The following DNMT3A variants were observed in gnomAD, a reference collection of about 807,000 sequenced individuals.
The protein encoded by DNMT3A is DNA (cytosine-5)-methyltransferase 3A.
Under a neutral mutation model 117.6 loss-of-function variants are expected in DNMT3A, and 267 were observed. The observed-to-expected ratio is 2.27, with a 90% CI of 2.05 to 2.51. The LOEUF is 2.51. Ranked by LOEUF, DNMT3A falls within the 30% of genes most tolerant of loss-of-function variation. The probability of loss-of-function intolerance (pLI) is 0.00; values close to 1 mark genes in which losing one functional copy is unlikely to be tolerated. For synonymous variants in DNMT3A, 432 were observed against 474.8 expected, an observed-to-expected ratio of 0.91 and a Z score of 1.17; for missense variants, 1,029 against 1,260.2, an observed-to-expected ratio of 0.82 and a Z score of 2.78.
At position 25,296,690 on chromosome 2, in the gene DNMT3A, G is replaced by A. The variant is rs1381303571; in HGVS notation, c.177+3449C>T. On this transcript the variant is annotated intron_variant, in intron 3 of 22. Transcript: ENST00000321117. This position sits in a 1 kb window ranked among gnomAD's most constrained non-coding sequence, Gnocchi z 4.2. ...CACTGGCCTGGGCATGCAAGGGGCA[G>A]GTGGAGTCTGGTTTGGGTGAGGGCA... Among the ~76,000 whole-genome samples the A allele has an allele frequency of 6.6e-6, 1 of 152,238 alleles. No homozygotes were observed. Among genetic ancestry groups the A allele is most frequent in the Non-Finnish European group, 1.5e-5 (1 of 68,042 alleles).
At position 25,234,146 on chromosome 2, in the gene DNMT3A, T is replaced by C; in HGVS notation, c.*133A>G. 7.2e-7 allele frequency: 1 copy of C among 1,386,040 alleles called. No individual in the cohort carries two copies. Among genetic ancestry groups the C allele is most frequent in the Non-Finnish European group, 9.5e-7 (1 of 1,053,282 alleles). The allele number at this position is 1,386,040 out of a possible 1,614,324, so 85.9% of individuals were successfully genotyped here. ...GGTATTTCCGCCTCTGTGGTTTTTG[T>C]TTTAAATTCCTTTTTCTCTTCTGGG... On this transcript the variant is annotated 3_prime_UTR_variant, in exon 23 of 23. Transcript: ENST00000321117. This position sits in a 1 kb window ranked among gnomAD's most constrained non-coding sequence, Gnocchi z 4.5.
At chr2:25,246,516 C>T in intron 10 of DNMT3A, 104 bp downstream of exon 10, 1 of 1,509,810 alleles carries the variant, frequency 6.6e-7, no homozygotes, top group Non-Finnish European at 8.9e-7. Flanking sequence ...CACTGGGCCC[C>T]TCTGTGGAGG....
Position 25,243,897 on chromosome 2 carries a change from C to T in DNMT3A, c.1936+1G>A, listed in dbSNP as rs1238786275. The stretch of plus-strand genomic sequence containing the variant: ...GCACCTCTTGGGCCTGCACCCCTCA[C>T]CTGTAGCGATTCCATCAAAGAGAGA... On this transcript the variant is annotated splice_donor_variant, in intron 16 of 22. Transcript: ENST00000321117. LOFTEE classifies it high-confidence loss of function. The T allele has an allele frequency of 1.9e-6, 3 of 1,551,760 alleles. No individual in the cohort carries two copies. Among genetic ancestry groups the T allele is most frequent in the Admixed American group, 2.0e-5 (1 of 50,980 alleles).
At chr2:25,272,706 C>T (rs1246611420) in intron 6 of DNMT3A, among the ~76,000 whole-genome samples, 1 of 152,158 alleles carries the variant, frequency 6.6e-6, no homozygotes, top group Admixed American at 6.5e-5. Context: ...TGCCCTTTCT[C>T]CGGGCTCTTC....
In DNMT3A at chr2:25,247,865, C is replaced by T; in HGVS notation, c.856-116G>A. 1 of 1,534,140 alleles carries T rather than the reference C, an allele frequency of 6.5e-7. No individual in the cohort carries two copies. Among genetic ancestry groups the T allele is most frequent in the African/African-American group, 1.4e-5 (1 of 72,204 alleles). The stretch of plus-strand genomic sequence containing the variant: ...GGGGGGCAGGACAGCCAGGAGGGAG[C>T]TCCATCTGAATGAGGCAAGACAGAG... On this transcript the variant is annotated intron_variant, in intron 7 of 22. Transcript: ENST00000321117. The surrounding 1 kb of genome is among the most constrained non-coding windows in gnomAD (Gnocchi z 5.6).
chr2:25,249,606 A>T (rs1397865899), intron 6 of DNMT3A: 3 of 1,609,444 alleles, frequency 1.9e-6, no homozygotes, highest in Non-Finnish European at 2.6e-6. Context: ...CCAACAAATT[A>T]ATAAGCCAAA....
intron 16 of DNMT3A, among the ~76,000 whole-genome samples, chr2:25,243,101 T>C (rs564346207): frequency 5.4e-4 from 82 of 152,076 alleles, no homozygotes; most frequent in African/African-American, 1.8e-3. Context: ...GGTCAAGAGA[T>C]CGAGACCAGC....
chr2:25,230,360 A>C lies in DNMT3A; in HGVS notation c.*3919T>G, dbSNP rs1254468122. The C allele has an allele frequency of 1.3e-5, 2 of 152,238 alleles. No homozygotes were observed. The highest frequency in any genetic ancestry group is 4.8e-5 in the African/African-American group (2 of 41,440). The allele number at this position is 152,238 out of a possible 1,614,324, so 9.4% of individuals were successfully genotyped here. On this transcript the variant is annotated 3_prime_UTR_variant, in exon 23 of 23. Coordinates refer to ENST00000321117, the MANE Select transcript of DNMT3A (RefSeq NM_022552.5). ...GGAGGCCAAGGACTGTGTCCCCAGCACGAGCACCTGGCTACCTCCCCCAGG... is the reference window on the plus strand; with the variant it reads ...GGAGGCCAAGGACTGTGTCCCCAGCCCGAGCACCTGGCTACCTCCCCCAGG...
chr2:25,262,188 CAAAA>C (rs533414494), intron 6 of DNMT3A, among the ~76,000 whole-genome samples: 1 of 93,742 alleles, frequency 1.1e-5, no homozygotes, highest in Non-Finnish European at 2.1e-5. Context: ...GACTCCGTCT[CAAAA>C]AAAAAAAAAA....
Position 25,314,170 on chromosome 2 carries a change from G to A in DNMT3A, c.-177-9C>T, listed in dbSNP as rs761014409. 1 of 1,422,222 alleles carries A rather than the reference G, an allele frequency of 7.0e-7. No individual in the cohort carries two copies. Among genetic ancestry groups the A allele is most frequent in the Non-Finnish European group, 9.2e-7 (1 of 1,091,864 alleles). The allele number at this position is 1,422,222 out of a possible 1,614,324, so 88.1% of individuals were successfully genotyped here. Reference sequence around the variant, plus strand: ...GGCTTCGATGGCTCCACCTGTGGGGGAGAGAAGAGGATCAGTGGGGCGGAG... The same window carrying A: ...GGCTTCGATGGCTCCACCTGTGGGGAAGAGAAGAGGATCAGTGGGGCGGAG... On this transcript the variant is annotated splice_polypyrimidine_tract_variant and intron_variant, in intron 1 of 22. Coordinates refer to ENST00000321117, the MANE Select transcript of DNMT3A (RefSeq NM_022552.5).
intron 3 of DNMT3A, among the ~76,000 whole-genome samples, chr2:25,287,490 T>C (rs1050937961): frequency 3.3e-5 from 5 of 152,150 alleles, no homozygotes; most frequent in Admixed American, 2.0e-4. Context: ...AATCTTCGCT[T>C]TCCTTCTGGG....
At position 25,300,182 on chromosome 2, in the gene DNMT3A, G is replaced by A; in HGVS notation, c.134C>T (p.Ala45Val). ...CCTCCCAGGCCGCCCCACCTTCCGT[G>A]CCGTGGTGCTGGGCTCTTGGCGCTC... ...KEERQEPSTT[A>V]RKVGRPGRKR... The change falls in exon 3 of 23, where the codon GCA (alanine) becomes GTA (valine). Residue 45 changes from alanine (A) to valine (V), a missense_variant. Transcript: ENST00000321117. The A allele has an allele frequency of 6.2e-7, 1 of 1,612,966 alleles. No homozygotes were observed. Among genetic ancestry groups the A allele is most frequent in the East Asian group, 2.2e-5 (1 of 44,864 alleles).
intron 4 of DNMT3A, among the ~76,000 whole-genome samples, chr2:25,276,987 G>C (rs1019308343): frequency 1.3e-5 from 2 of 152,214 alleles, no homozygotes; most frequent in East Asian, 3.9e-4. Flanking sequence ...GCCCAGGACA[G>C]CGCTGTCCTC....
intron 3 of DNMT3A, among the ~76,000 whole-genome samples, chr2:25,290,024 G>A (rs1322175452): frequency 1.3e-5 from 2 of 152,180 alleles, no homozygotes; most frequent in African/African-American, 4.8e-5. Flanking sequence ...TTGGAGTGCG[G>A]TGGCACGATC....
chr2:25,246,316 G>A lies in DNMT3A; in HGVS notation c.1280-7C>T, dbSNP rs151060791. On this transcript the variant is annotated splice_polypyrimidine_tract_variant and splice_region_variant and intron_variant, in intron 10 of 22. Coordinates refer to ENST00000321117, the MANE Select transcript of DNMT3A (RefSeq NM_022552.5). ...TTGTAGGGATTCTTCTCTTCTGGAG[G>A]AGGAAAGCAGGTGCCAAGGTCAGTT... 1,227 of 1,593,156 alleles carry A rather than the reference G, an allele frequency of 7.7e-4. 11 individuals are homozygous for A. The African/African-American group carries it at 0.015, about 20-fold the overall frequency.
chr2:25,242,564 G>C (rs1361441191), intron 16 of DNMT3A, among the ~76,000 whole-genome samples: 1 of 152,222 alleles, frequency 6.6e-6, no homozygotes, highest in East Asian at 1.9e-4. Context: ...TTACAGAAGA[G>C]CAGCATGGAG....
At chr2:25,342,136 G>T (rs1467202074), upstream of DNMT3A, among the ~76,000 whole-genome samples, 1 of 143,588 alleles carries the variant, frequency 7.0e-6, no homozygotes, top group Non-Finnish European at 1.5e-5. This position sits in a 1 kb window ranked among gnomAD's most constrained non-coding sequence, Gnocchi z 5.9. Flanking sequence ...CGGCCCCGGC[G>T]CTGCGGAGCC....
At position 25,237,755 on chromosome 2, in the gene DNMT3A, ACT is replaced by A. The variant is rs993185063; in HGVS notation, c.2409-752_2409-751del. On this transcript the variant is annotated intron_variant, in intron 20 of 22. Transcript: ENST00000321117. This position sits in a 1 kb window ranked among gnomAD's most constrained non-coding sequence, Gnocchi z 5.4. ...ACTCCAGCCTGGGCGACAGAGCAAG[ACT>A]CTGTCTCCAAAAAAAAAAAAAACCA... Among the ~76,000 whole-genome samples the A allele has an allele frequency of 6.7e-6, 1 of 149,360 alleles. No homozygotes were observed. Among genetic ancestry groups the A allele is most frequent in the Non-Finnish European group, 1.5e-5 (1 of 67,318 alleles).
At chr2:25,320,094 A>G (rs895309172) in intron 1 of DNMT3A, among the ~76,000 whole-genome samples, 17 of 152,222 alleles carry the variant, frequency 1.1e-4, no homozygotes, top group African/African-American at 3.6e-4. Flanking sequence ...ATATGGACAG[A>G]TGTGTGTCCT....
Sources: allele counts gnomAD v4.1 joint callset (sites outside exome capture counted in the v4.1 genomes callset), GRCh38; gene constraint gnomAD v4.1.1; non-coding constraint Gnocchi (gnomAD v3.1); transcripts MANE v1.5; gene names NCBI Gene and HGNC (gene_info 2026-07-23, HGNC 2026-07-21).